Variants in RBFOX3 observed in about 807,000 individuals in gnomAD.
RBFOX3 encodes the protein RNA binding protein fox-1 homolog 3.
In RBFOX3, 17 loss-of-function variants were observed where a neutral mutation model predicts 48.7. That is an observed-to-expected ratio of 0.35 (90% CI 0.24 to 0.52). RBFOX3 has a LOEUF of 0.52. RBFOX3 is among the 20% of genes least tolerant of loss of function. The pLI is 0.94. For synonymous variants in RBFOX3, 212 were observed against 209.5 expected, an observed-to-expected ratio of 1.01 and a Z score of -0.10; for missense variants, 382 against 497.5, an observed-to-expected ratio of 0.77 and a Z score of 2.21.
the RBFOX3 span, among the ~76,000 whole-genome samples, chr17:79,647,401 G>A: frequency 1.0e-3 from 152 of 152,256 alleles, no homozygotes; most frequent in African/African-American, 3.5e-3. Flanking sequence ...AAGCAGCAAT[G>A]AGACCCACAG....
intron 1 of RBFOX3, among the ~76,000 whole-genome samples, chr17:79,534,922 A>G (rs2088455816): frequency 6.6e-6 from 1 of 152,144 alleles, no homozygotes; most frequent in Non-Finnish European, 1.5e-5. Flanking sequence ...CACAGAGACA[A>G]AGACCAGGGG....
the RBFOX3 span, among the ~76,000 whole-genome samples, chr17:79,653,738 A>G: frequency 6.9e-6 from 1 of 145,184 alleles, no homozygotes; most frequent in African/African-American, 2.6e-5. Context: ...GCATAATTTC[A>G]ATTTTAAAAC....
At chr17:79,348,023 A>G (rs1051753299) in intron 2 of RBFOX3, among the ~76,000 whole-genome samples, 1 of 152,190 alleles carries the variant, frequency 6.6e-6, no homozygotes, top group Non-Finnish European at 1.5e-5. Context: ...GAGAGGCTCC[A>G]AAAAATCACA....
chr17:79,120,772 G>A (rs1050604293), intron 4 of RBFOX3, among the ~76,000 whole-genome samples: 2 of 148,820 alleles, frequency 1.3e-5, no homozygotes, highest in East Asian at 2.0e-4. Context: ...ATGGGTGGAT[G>A]GATAGACGGA....
At chr17:79,133,113 G>C (rs1406270112) in intron 4 of RBFOX3, among the ~76,000 whole-genome samples, 1 of 152,210 alleles carries the variant, frequency 6.6e-6, no homozygotes, top group East Asian at 1.9e-4. Flanking sequence ...TCTGCCTCCA[G>C]GGAGGAGGGG....
the RBFOX3 span, among the ~76,000 whole-genome samples, chr17:79,663,451 C>T: frequency 6.6e-6 from 1 of 152,198 alleles, no homozygotes; most frequent in East Asian, 1.9e-4. Flanking sequence ...GGCTGTTCTC[C>T]TCCCAAGTCC....
chr17:79,301,678 G>A (rs998018205), intron 3 of RBFOX3, among the ~76,000 whole-genome samples: 2 of 152,170 alleles, frequency 1.3e-5, no homozygotes, highest in Non-Finnish European at 2.9e-5. Context: ...TACTCCCAGT[G>A]GCCAAAAGGG....
chr17:79,216,175 G>A (rs1357519587), intron 4 of RBFOX3, among the ~76,000 whole-genome samples: 1 of 152,256 alleles, frequency 6.6e-6, no homozygotes, highest in Non-Finnish European at 1.5e-5. Context: ...CCACCTCTGT[G>A]GCCCCCCAGC....
chr17:79,394,573 C>T (rs72852437), intron 2 of RBFOX3, among the ~76,000 whole-genome samples: 4 of 152,344 alleles, frequency 2.6e-5, no homozygotes, highest in Non-Finnish European at 4.4e-5. Context: ...CAAGGCAGCA[C>T]GCACAGTCCT....
rs772744976 is a variant in RBFOX3, at chr17:79,220,968, C to T, written c.-34+14798G>A. On this transcript the variant is annotated intron_variant, in intron 4 of 14. Coordinates refer to ENST00000693108, the MANE Select transcript of RBFOX3 (RefSeq NM_001350451.2). The surrounding 1 kb of genome is among the most constrained non-coding windows in gnomAD (Gnocchi z 5.9). ...CGCCTGCAGGAGAGCCTGCATCTAA[C>T]GTCTGTCCTGCCTCAGCGTTTTCCA... is the stretch of plus-strand genomic sequence containing the variant. Among the ~76,000 whole-genome samples the T allele has an allele frequency of 6.6e-6, 1 of 152,206 alleles. No individual in the cohort carries two copies. The highest frequency in any genetic ancestry group is 1.5e-5 in the Non-Finnish European group (1 of 68,026).
At chr17:79,375,682 T>C (rs1172583383) in intron 2 of RBFOX3, among the ~76,000 whole-genome samples, 3 of 152,052 alleles carry the variant, frequency 2.0e-5, no homozygotes, top group African/African-American at 4.8e-5. Flanking sequence ...GTTGCCCCCT[T>C]GGAGGCCATA....
At position 79,115,485 on chromosome 17, in the gene RBFOX3, G is replaced by T; in HGVS notation, c.222+9C>A. On this transcript the variant is annotated intron_variant, in intron 5 of 14. Transcript: ENST00000693108. ...CCAGGGCTGGGCCTGGGGTCGTGGG[G>T]GCCCTTACCGGCACTGTCTGGGTCC... is the stretch of plus-strand genomic sequence containing the variant. 1 of 1,319,016 alleles carries T rather than the reference G, an allele frequency of 7.6e-7. No individual in the cohort carries two copies. The highest frequency in any genetic ancestry group is 3.1e-5 in the East Asian group (1 of 32,526). The allele number at this position is 1,319,016 out of a possible 1,614,324, so 81.7% of individuals were successfully genotyped here. A position where few individuals can be genotyped will look rare whatever the true frequency, so the allele number is the denominator to read the frequency against.
intron 1 of RBFOX3, among the ~76,000 whole-genome samples, chr17:79,579,395 C>G (rs2092971128): frequency 6.6e-6 from 1 of 152,238 alleles, no homozygotes; most frequent in Non-Finnish European, 1.5e-5. Context: ...GAACTGCACC[C>G]CGCTTTTGGC....
At chr17:79,150,008 A>G (rs1362674465) in intron 4 of RBFOX3, among the ~76,000 whole-genome samples, 5 of 3,418 alleles carry the variant, frequency 1.5e-3, no homozygotes, top group South Asian at 0.02. Context: ...GGGGTGGGGG[A>G]TGGGGATGGG....
chr17:79,194,761 TG>T (rs2055230761), intron 4 of RBFOX3, among the ~76,000 whole-genome samples: 3 of 145,432 alleles, frequency 2.1e-5, no homozygotes, highest in Non-Finnish European at 4.5e-5. Context: ...TGGGTGTGTG[TG>T]TGTGTGTGTG....
At chr17:79,458,443 G>A (rs1344777848) in intron 2 of RBFOX3, among the ~76,000 whole-genome samples, 4 of 150,592 alleles carry the variant, frequency 2.7e-5, no homozygotes, top group Admixed American at 2.6e-4. Flanking sequence ...ACACACGTGT[G>A]TGCATCTGTG....
intron 3 of RBFOX3, among the ~76,000 whole-genome samples, chr17:79,267,961 C>T (rs567502935): frequency 3.0e-4 from 45 of 152,174 alleles, no homozygotes; most frequent in Non-Finnish European, 4.0e-4. Flanking sequence ...TTCTAAAATG[C>T]CTTCCACTTT....
At chr17:79,094,659 A>C in intron 13 of RBFOX3, 130 bp from the exon 14 acceptor site, 5 of 537,136 alleles carry the variant, frequency 9.3e-6, no homozygotes, top group Admixed American at 4.3e-5. Flanking sequence ...TCTGCAAGGC[A>C]CCCTCCCCTC....
At chr17:79,506,822 G>A (rs987154645) in intron 1 of RBFOX3, among the ~76,000 whole-genome samples, 12 of 152,166 alleles carry the variant, frequency 7.9e-5, no homozygotes, top group South Asian at 2.1e-4. Flanking sequence ...GCAGAACATG[G>A]AATCCTGACG....
Sources: gnomAD v4.1 joint callset for allele counts (sites outside exome capture counted in the v4.1 genomes callset) on GRCh38, gnomAD v4.1.1 for gene constraint, Gnocchi (gnomAD v3.1) non-coding constraint, MANE v1.5 for transcripts, NCBI Gene and HGNC (gene_info 2026-07-23, HGNC 2026-07-21) for gene names.